RASGRP3: variants seen among roughly 807,000 people sequenced by gnomAD.
The protein encoded by RASGRP3 is RAS guanyl releasing protein 3, also known as ras guanyl-releasing protein 3.
In RASGRP3, 54 loss-of-function variants were observed where a neutral mutation model predicts 82.7. The ratio of observed to expected loss-of-function variants is 0.65; its 90% CI spans 0.52 to 0.82. The LOEUF is 0.82. RASGRP3 is among the 40% of genes least tolerant of loss of function. The pLI, the probability that RASGRP3 is intolerant of heterozygous loss-of-function variation, is 0.00. For synonymous variants in RASGRP3, 309 were observed against 300.5 expected (o/e 1.03, Z -0.29); for missense variants, 861 against 828.9 (o/e 1.04, Z -0.48).
intron 1 of RASGRP3, among the ~76,000 whole-genome samples, chr2:33,447,440 AT>A (rs34967898): frequency 7.6e-4 from 112 of 146,774 alleles, no homozygotes; most frequent in Admixed American, 1.2e-3. Flanking sequence ...GAGTGTGCAC[AT>A]TTTTTTTTTT....
At position 33,555,514 on chromosome 2, in the gene RASGRP3, T is replaced by C. The variant is rs551690992; in HGVS notation, c.1543-17T>C. The C allele has an allele frequency of 1.3e-6, 2 of 1,588,196 alleles. No homozygotes were observed. The highest frequency in any genetic ancestry group is 4.5e-5 in the East Asian group (2 of 44,710). ...CTATCCTCAGATTCCCTGACATTCC[T>C]TTGTCTTTTGTTACAGCTCTGGGGC... On this transcript the variant is annotated splice_polypyrimidine_tract_variant and intron_variant, in intron 14 of 17. Transcript: ENST00000403687.
At chr2:33,493,897 C>T (rs902058633) in intron 1 of RASGRP3, among the ~76,000 whole-genome samples, 4 of 152,114 alleles carry the variant, frequency 2.6e-5, no homozygotes, top group South Asian at 2.1e-4. Context: ...TTCATTTCTC[C>T]GTATCAAAAT....
chr2:33,514,635 A>C (rs879743488), intron 2 of RASGRP3, among the ~76,000 whole-genome samples: 2 of 151,886 alleles, frequency 1.3e-5, no homozygotes, highest in Non-Finnish European at 2.9e-5. Flanking sequence ...CTGTGAGCCG[A>C]GATCGCACTA....
chr2:33,490,469 T>C (rs1217746757), intron 1 of RASGRP3, among the ~76,000 whole-genome samples: 1 of 152,222 alleles, frequency 6.6e-6, no homozygotes, highest in African/African-American at 2.4e-5. Flanking sequence ...TTTCTCTTTC[T>C]CCTCTTATTT....
intron 2 of RASGRP3, among the ~76,000 whole-genome samples, chr2:33,461,736 A>G (rs182036964): frequency 6.6e-6 from 1 of 152,258 alleles, no homozygotes; most frequent in African/African-American, 2.4e-5. Flanking sequence ...TATTTTATCC[A>G]AAAGTTTTCT....
rs753729020 is a variant in RASGRP3, at chr2:33,520,659, G to A, written c.343G>A (p.Val115Ile). ...VASQLGYEKH[V>I]SLIDISSIPS... ...TAGTCAACTAGGATATGAAAAACAC[G>A]TCAGCCTCATCGACATATCCAGCAT... Residue 115 changes from valine (V) to isoleucine (I), a missense_variant, in exon 6 of 18, where the codon GTC becomes ATC. Transcript: ENST00000403687. 1.7e-5 allele frequency: 28 copies of A among 1,613,846 alleles called. No homozygotes were observed. The highest frequency in any genetic ancestry group is 4.0e-5 in the African/African-American group (3 of 74,920).
At position 33,524,559 on chromosome 2, in the gene RASGRP3, C is replaced by T. The variant is rs2151029726; in HGVS notation, c.807+11C>T. The T allele has an allele frequency of 6.5e-7, 1 of 1,537,516 alleles. No individual in the cohort carries two copies. Among genetic ancestry groups the T allele is most frequent in the Non-Finnish European group, 8.9e-7 (1 of 1,129,688 alleles). On this transcript the variant is annotated intron_variant, in intron 9 of 17. Coordinates refer to ENST00000403687, the MANE Select transcript of RASGRP3 (RefSeq NM_001139488.2). ...TCAGAAGTTACAAAGGTATAGTAGACTTGATCCTAATCAAAAGTAAAAAAA... is the reference window on the plus strand; with the variant it reads ...TCAGAAGTTACAAAGGTATAGTAGATTTGATCCTAATCAAAAGTAAAAAAA...
intron 1 of RASGRP3, among the ~76,000 whole-genome samples, chr2:33,499,060 T>C (rs1405633269): frequency 6.6e-6 from 1 of 152,122 alleles, no homozygotes; most frequent in Admixed American, 6.5e-5. Context: ...AAGAAATAAA[T>C]GTATTCAATA....
At chr2:33,484,988 C>T (rs544565034) in intron 1 of RASGRP3, among the ~76,000 whole-genome samples, 61 of 152,216 alleles carry the variant, frequency 4.0e-4, no homozygotes, top group East Asian at 1.4e-3. Context: ...CACCTGAGGT[C>T]GGGAGTTTGA....
At chr2:33,537,346 G>T (rs1673755256) in intron 11 of RASGRP3, among the ~76,000 whole-genome samples, 2 of 90,554 alleles carry the variant, frequency 2.2e-5, no homozygotes, top group Admixed American at 1.5e-4. Context: ...ACACACACAA[G>T]TATATATATC....
At chr2:33,478,350 T>TGTG (rs1667564604) in intron 1 of RASGRP3, among the ~76,000 whole-genome samples, 1 of 152,140 alleles carries the variant, frequency 6.6e-6, no homozygotes, top group Admixed American at 6.5e-5. Flanking sequence ...CCCGCGGCCA[T>TGTG]GTGGTCTGTG....
chr2:33,562,101 T>C (rs1404724306), intron 17 of RASGRP3, among the ~76,000 whole-genome samples: 1 of 152,126 alleles, frequency 6.6e-6, no homozygotes, highest in East Asian at 1.9e-4. Flanking sequence ...CAGTGCCCTC[T>C]TGCACTAATT....
At chr2:33,458,984 A>AT (rs1007392690) in intron 2 of RASGRP3, among the ~76,000 whole-genome samples, 4 of 152,178 alleles carry the variant, frequency 2.6e-5, no homozygotes, top group Non-Finnish European at 4.4e-5. Context: ...TTTAAGATAT[A>AT]TTTTTTAAAA....
intron 2 of RASGRP3, among the ~76,000 whole-genome samples, chr2:33,456,750 A>C (rs767718092): frequency 7.2e-5 from 11 of 152,274 alleles, no homozygotes; most frequent in African/African-American, 2.2e-4. Context: ...AATTAATCCA[A>C]TTCACACACA....
At chr2:33,507,746 G>A (rs982621114) in intron 1 of RASGRP3, among the ~76,000 whole-genome samples, 4 of 151,986 alleles carry the variant, frequency 2.6e-5, no homozygotes, top group African/African-American at 7.2e-5. Context: ...GGCTGGTCTC[G>A]AACTCCTGAC....
upstream of RASGRP3, among the ~76,000 whole-genome samples, chr2:33,472,145 G>A (rs149892291): frequency 8.4e-4 from 127 of 151,988 alleles, no homozygotes; most frequent in African/African-American, 2.7e-3. Flanking sequence ...TTTATTCATC[G>A]AGGATTGTTT....
chr2:33,525,338 A>G (rs1320222347), intron 9 of RASGRP3, among the ~76,000 whole-genome samples: 7 of 121,052 alleles, frequency 5.8e-5, no homozygotes, highest in African/African-American at 2.5e-4. Flanking sequence ...CTGAATTGTC[A>G]TGAATATATA....
At chr2:33,464,112 T>TAATAA (rs57157904) in intron 2 of RASGRP3, among the ~76,000 whole-genome samples, 1 of 137,476 alleles carries the variant, frequency 7.3e-6, no homozygotes, top group Non-Finnish European at 1.6e-5. Flanking sequence ...ATAATAATAA[T>TAATAA]TATTATTATT....
intron 1 of RASGRP3, among the ~76,000 whole-genome samples, chr2:33,503,758 G>T (rs1670093847): frequency 1.3e-5 from 2 of 152,078 alleles, no homozygotes; most frequent in Non-Finnish European, 2.9e-5. Flanking sequence ...TCACTTAGAT[G>T]ATAACATAGT....
Sources: gnomAD v4.1 joint callset for allele counts (sites outside exome capture counted in the v4.1 genomes callset) on GRCh38, gnomAD v4.1.1 for gene constraint, MANE v1.5 for transcripts, NCBI Gene and HGNC (gene_info 2026-07-23, HGNC 2026-07-21) for gene names.